Variants in LEKR1 observed in about 807,000 individuals in gnomAD.
LEKR1 encodes protein LEKR1.
In LEKR1, 59 loss-of-function variants were observed where a neutral mutation model predicts 72.4. That is an observed-to-expected ratio of 0.82 (90% confidence interval 0.66 to 1.01). The LOEUF is 1.01. Ranked by LOEUF, LEKR1 falls within the 50% of genes least tolerant of loss-of-function variation. LEKR1 has a pLI of 0.00. For missense variants in LEKR1, 728 were observed against 759.2 expected, an observed-to-expected ratio of 0.96 and a Z score of 0.48; for synonymous variants, 257 against 263.2, an observed-to-expected ratio of 0.98 and a Z score of 0.23.
At chr3:156,919,784 C>A (rs183199815) in intron 3 of LEKR1, among the ~76,000 whole-genome samples, 1 of 152,052 alleles carries the variant, frequency 6.6e-6, no homozygotes, top group Non-Finnish European at 1.5e-5. Context: ...ATTCTTTGGA[C>A]GTTGTGAGTT....
chr3:156,956,379 C>T (rs901209291), intron 6 of LEKR1, among the ~76,000 whole-genome samples: 1 of 151,974 alleles, frequency 6.6e-6, no homozygotes, highest in Admixed American at 6.6e-5. Context: ...CATGTTTGGC[C>T]ACCTAGCCCT....
chr3:157,027,579 G>A (rs1462451764), intron 11 of LEKR1, among the ~76,000 whole-genome samples: 1 of 152,150 alleles, frequency 6.6e-6, no homozygotes, highest in Non-Finnish European at 1.5e-5. Flanking sequence ...ACTTTGGGAG[G>A]CTGAGGCAGG....
intron 7 of LEKR1, among the ~76,000 whole-genome samples, chr3:156,983,198 T>C (rs1167259675): frequency 6.6e-6 from 1 of 152,022 alleles, no homozygotes; most frequent in East Asian, 1.9e-4. Context: ...AGGTAATACA[T>C]AGAAAGGATA....
chr3:156,986,237 C>T lies in LEKR1; in HGVS notation c.828-6416C>T, dbSNP rs1576950745. 2.6e-5 allele frequency among the ~76,000 whole-genome samples: 4 copies of T among 152,256 alleles called. No individual in the cohort carries two copies. In the South Asian group the frequency reaches 8.3e-4, roughly 32 times the overall value. On this transcript the variant is annotated intron_variant, in intron 7 of 12. Transcript: ENST00000356539. ...TAAGAAATTAAATTGACCAGTGTTTCCTGAAGAGTTTCTGAGGAGTTTGGA... is the reference window on the plus strand; with the variant it reads ...TAAGAAATTAAATTGACCAGTGTTTTCTGAAGAGTTTCTGAGGAGTTTGGA...
intron 6 of LEKR1, among the ~76,000 whole-genome samples, chr3:156,943,308 C>A (rs749932435): frequency 4.0e-5 from 6 of 151,848 alleles, no homozygotes; most frequent in Non-Finnish European, 5.9e-5. Flanking sequence ...AGTCAAGTAG[C>A]CATTTTGAAA....
chr3:156,900,588 A>T (rs1186813826), intron 3 of LEKR1, among the ~76,000 whole-genome samples: 1 of 152,230 alleles, frequency 6.6e-6, no homozygotes, highest in Non-Finnish European at 1.5e-5. Context: ...TGGTATTACC[A>T]GTAGGCATGA....
At chr3:157,021,384 G>A (rs1161790456) in intron 10 of LEKR1, among the ~76,000 whole-genome samples, 1 of 152,016 alleles carries the variant, frequency 6.6e-6, no homozygotes, top group East Asian at 1.9e-4. Flanking sequence ...TAATGCCTAG[G>A]TTTTCTTCTA....
chr3:156,967,375 G>GA (rs1016740989), intron 6 of LEKR1, among the ~76,000 whole-genome samples: 3 of 151,898 alleles, frequency 2.0e-5, no homozygotes, highest in Non-Finnish European at 4.4e-5. Context: ...TAAAAACCTT[G>GA]AAAAAAAATT....
chr3:156,922,486 G>A (rs1198580521), intron 4 of LEKR1, among the ~76,000 whole-genome samples: 1 of 151,628 alleles, frequency 6.6e-6, no homozygotes, highest in African/African-American at 2.4e-5. Context: ...TATTTATGGA[G>A]CCTAAAAGGA....
At chr3:156,847,038 G>A (rs1324995687) in intron 2 of LEKR1, among the ~76,000 whole-genome samples, 3 of 152,044 alleles carry the variant, frequency 2.0e-5, no homozygotes, top group Admixed American at 2.0e-4. Context: ...CTCATCCTGG[G>A]CTCAAGCAAT....
intron 3 of LEKR1, among the ~76,000 whole-genome samples, chr3:156,917,319 A>G (rs1406714131): frequency 1.3e-5 from 2 of 152,140 alleles, no homozygotes; most frequent in East Asian, 1.9e-4. Context: ...ATTGACAGGA[A>G]AGCATCATTC....
In LEKR1 at chr3:156,996,277, G is replaced by A. The variant is rs373510847; in HGVS notation, c.1109+3000G>A. ...CTAGGGTGGTCATAAAAGTGACTTC[G>A]AAGATGATACTCTGCCCATTTCCTA... is the stretch of plus-strand genomic sequence containing the variant. On this transcript the variant is annotated intron_variant, in intron 9 of 12. Transcript: ENST00000356539. Among the ~76,000 whole-genome samples the A allele has an allele frequency of 5.9e-5, 9 of 152,212 alleles. No individual in the cohort carries two copies. The South Asian group carries it at 1.2e-3, about 21-fold the overall frequency.
intron 3 of LEKR1, among the ~76,000 whole-genome samples, chr3:156,860,615 G>C (rs1716657358): frequency 6.6e-6 from 1 of 152,168 alleles, no homozygotes. Flanking sequence ...GGAAATAAGT[G>C]TACCTGGCTG....
chr3:156,927,120 A>C (rs1576838622), intron 4 of LEKR1, among the ~76,000 whole-genome samples: 1 of 151,950 alleles, frequency 6.6e-6, no homozygotes, highest in Non-Finnish European at 1.5e-5. Context: ...AATTTTCTTC[A>C]CTAAATGTTT....
intron 3 of LEKR1, among the ~76,000 whole-genome samples, chr3:156,883,820 CT>C (rs1719751781): frequency 6.6e-6 from 1 of 152,146 alleles, no homozygotes; most frequent in African/African-American, 2.4e-5. Flanking sequence ...TCAGCTATGT[CT>C]TTTTCAGCAG....
At chr3:156,867,190 A>C (rs2108544774) in intron 3 of LEKR1, among the ~76,000 whole-genome samples, 1 of 152,222 alleles carries the variant, frequency 6.6e-6, no homozygotes, top group African/African-American at 2.4e-5. Flanking sequence ...TATTAAATGA[A>C]AGGATGTCAA....
At chr3:156,899,419 C>T (rs868463294) in intron 3 of LEKR1, among the ~76,000 whole-genome samples, 4 of 70,590 alleles carry the variant, frequency 5.7e-5, no homozygotes, top group Admixed American at 5.2e-4. Flanking sequence ...CATATATACA[C>T]ATATATACAT....
intron 9 of LEKR1, among the ~76,000 whole-genome samples, chr3:156,994,315 A>G (rs1444354703): frequency 6.6e-6 from 1 of 152,104 alleles, no homozygotes; most frequent in Non-Finnish European, 1.5e-5. Context: ...TTTCTTGCCA[A>G]CACTGTTCCC....
chr3:156,973,752 G>A (rs1274587309), intron 6 of LEKR1, among the ~76,000 whole-genome samples: 2 of 152,224 alleles, frequency 1.3e-5, no homozygotes, highest in East Asian at 3.9e-4. Context: ...GTCATGAATG[G>A]CCAAGAAGTA....
Sources: allele counts gnomAD v4.1 joint callset (sites outside exome capture counted in the v4.1 genomes callset), GRCh38; gene constraint gnomAD v4.1.1; transcripts MANE v1.5; gene names NCBI Gene and HGNC (gene_info 2026-07-23, HGNC 2026-07-21).